The following SMARCAL1 variants were observed in gnomAD, a reference collection of about 807,000 sequenced individuals.
The protein encoded by SMARCAL1 is SNF2 related chromatin remodeling annealing helicase 1.
In SMARCAL1, 58 loss-of-function variants were observed where a neutral mutation model predicts 94.5. The ratio of observed to expected loss-of-function variants is 0.61; its 90% CI spans 0.50 to 0.76. The LOEUF (loss-of-function observed/expected upper bound fraction) is 0.76. Ranked by LOEUF, SMARCAL1 falls within the 30% of genes least tolerant of loss-of-function variation. The pLI is 0.00. For missense variants in SMARCAL1, 1,051 were observed against 1,177.9 expected (o/e 0.89, Z 1.58); for synonymous variants, 422 against 455.1 (o/e 0.93, Z 0.93).
At chr2:216,453,958 G>A (rs72948636) in intron 12 of SMARCAL1, among the ~76,000 whole-genome samples, 14,674 of 152,216 alleles carry the variant, frequency 0.096, 878 homozygotes, top group South Asian at 0.18. Context: ...TGAAATAATG[G>A]ATATCGCTTC....
At chr2:216,420,028 C>CAAAAAAAAAAAAAAAAA (rs60555710) in intron 4 of SMARCAL1, among the ~76,000 whole-genome samples, 2 of 40,158 alleles carry the variant, frequency 5.0e-5, no homozygotes, top group Non-Finnish European at 1.0e-4. Flanking sequence ...GACCCCGTCT[C>CAAAAAAAAAAAAAAAAA]AAAAAAAAAA....
chr2:216,427,197 C>T (rs1375576594), intron 6 of SMARCAL1: 3 of 152,276 alleles, frequency 2.0e-5, no homozygotes, highest in East Asian at 1.9e-4. Context: ...CTCACGAAGC[C>T]GACAACACGT....
chr2:216,422,310 G>T (rs1435429870), intron 5 of SMARCAL1, among the ~76,000 whole-genome samples: 1 of 152,186 alleles, frequency 6.6e-6, no homozygotes, highest in Non-Finnish European at 1.5e-5. Context: ...AGCCTGGGAT[G>T]CAGAGGTTGC....
chr2:216,423,051 G>T (rs1205875745), intron 5 of SMARCAL1, among the ~76,000 whole-genome samples: 1 of 152,176 alleles, frequency 6.6e-6, no homozygotes, highest in African/African-American at 2.4e-5. Context: ...TGAGGTAGGG[G>T]TTGTAATATC....
At chr2:216,429,237 G>A (rs528367684) in intron 7 of SMARCAL1, among the ~76,000 whole-genome samples, 9 of 152,304 alleles carry the variant, frequency 5.9e-5, no homozygotes, top group African/African-American at 2.2e-4. Context: ...TTTTCTAATG[G>A]GGCTAACACT....
In SMARCAL1 at chr2:216,445,032, T is replaced by C. The variant is rs1694276726; in HGVS notation, c.1711-1986T>C. ...TCTTTCTAACACCACACAGAAAGTATTTTTTTACATTGTTCTATCTTCGAT... is the reference window on the plus strand; with the variant it reads ...TCTTTCTAACACCACACAGAAAGTACTTTTTTACATTGTTCTATCTTCGAT... On this transcript the variant is annotated intron_variant, in intron 10 of 17. Coordinates refer to ENST00000357276, the MANE Select transcript of SMARCAL1 (RefSeq NM_014140.4). 2.0e-5 allele frequency among the ~76,000 whole-genome samples: 3 copies of C among 152,220 alleles called. No individual in the cohort carries two copies. In the South Asian group the frequency reaches 6.2e-4, roughly 32 times the overall value.
intron 17 of SMARCAL1, 34 bp downstream of exon 17, chr2:216,478,333 C>A: frequency 6.7e-7 from 1 of 1,503,756 alleles, no homozygotes; most frequent in Non-Finnish European, 9.3e-7. Flanking sequence ...ACCCCTGGAG[C>A]AGAGGGAGGC....
rs528273172 is a variant in SMARCAL1, at chr2:216,416,104, T to C, written c.812-153T>C. 4.2e-6 allele frequency: 3 copies of C among 708,038 alleles called. No homozygotes were observed. In the South Asian group the frequency reaches 4.3e-5, roughly 10 times the overall value. 43.9% of individuals were successfully genotyped at this position (708,038 alleles called of 1,614,324 possible). ...TAAAAGAATTATCTATATTTACTAT[T>C]TGTCCTCTACAGAGATTTTTATAGA... On this transcript the variant is annotated intron_variant, in intron 3 of 17. Coordinates refer to ENST00000357276, the MANE Select transcript of SMARCAL1 (RefSeq NM_014140.4).
intron 17 of SMARCAL1, 112 bp downstream of exon 17, chr2:216,478,411 C>G: frequency 2.5e-6 from 2 of 790,462 alleles, no homozygotes; most frequent in Non-Finnish European, 4.3e-6. Context: ...GGACCTCCCC[C>G]AGCCTAGAGC....
At chr2:216,439,626 A>T (rs1294557579) in intron 10 of SMARCAL1, among the ~76,000 whole-genome samples, 1 of 152,216 alleles carries the variant, frequency 6.6e-6, no homozygotes, top group East Asian at 1.9e-4. Flanking sequence ...TTTGAACATT[A>T]ATCTTAACAT....
chr2:216,430,332 CA>C (rs1693936481), intron 7 of SMARCAL1, among the ~76,000 whole-genome samples: 1 of 152,174 alleles, frequency 6.6e-6, no homozygotes, highest in Admixed American at 6.5e-5. Context: ...TGAACACACC[CA>C]TTAATTTATA....
intron 10 of SMARCAL1, among the ~76,000 whole-genome samples, chr2:216,444,417 T>G (rs1694261200): frequency 6.6e-6 from 1 of 152,126 alleles, no homozygotes. Context: ...TCACATAAAG[T>G]GATGAAGAAT....
intron 12 of SMARCAL1, among the ~76,000 whole-genome samples, chr2:216,464,240 T>C (rs1220921383): frequency 6.6e-6 from 1 of 152,078 alleles, no homozygotes; most frequent in Non-Finnish European, 1.5e-5. Flanking sequence ...CTGTAGTAAA[T>C]AGGTATGCTT....
intron 14 of SMARCAL1, among the ~76,000 whole-genome samples, chr2:216,470,838 CAAAAAAAAAAAAAA>C (rs55763206): frequency 2.1e-5 from 1 of 48,070 alleles, no homozygotes; most frequent in Non-Finnish European, 3.3e-5. Flanking sequence ...AAGAACATCT[CAAAAAAAAAAAAAA>C]AAAAAAAAAA....
intron 12 of SMARCAL1, among the ~76,000 whole-genome samples, chr2:216,455,622 G>C (rs1036493260): frequency 1.3e-5 from 2 of 152,206 alleles, no homozygotes; most frequent in African/African-American, 4.8e-5. Flanking sequence ...AACTCCAACA[G>C]ACCTGCAGCT....
intron 3 of SMARCAL1, 105 bp from the exon 4 acceptor site, chr2:216,416,152 C>T: frequency 1.1e-6 from 1 of 898,080 alleles, no homozygotes; most frequent in East Asian, 2.4e-5. Flanking sequence ...TGCTGGTCAG[C>T]TGTTTTGAAC....
chr2:216,481,576 T>C (rs537652389), intron 17 of SMARCAL1, among the ~76,000 whole-genome samples: 1 of 152,098 alleles, frequency 6.6e-6, no homozygotes, highest in African/African-American at 2.4e-5. Flanking sequence ...TGATGATGGC[T>C]CACTGCAACC....
At chr2:216,477,319 AGGATCT>A in intron 16 of SMARCAL1, 110 bp downstream of exon 16, 2 of 833,070 alleles carry the variant, frequency 2.4e-6, no homozygotes, top group Non-Finnish European at 4.0e-6. Context: ...AAGGTCTTTA[AGGATCT>A]ATAGAAAATT....
intron 9 of SMARCAL1, among the ~76,000 whole-genome samples, chr2:216,437,976 G>A (rs143277005): frequency 5.1e-4 from 77 of 152,328 alleles, no homozygotes; most frequent in Middle Eastern, 3.4e-3. Flanking sequence ...TCGGTTGTCA[G>A]TGTGTCTGGC....
Sources: allele counts gnomAD v4.1 joint callset (sites outside exome capture counted in the v4.1 genomes callset), GRCh38; gene constraint gnomAD v4.1.1; transcripts MANE v1.5; gene names NCBI Gene and HGNC (gene_info 2026-07-23, HGNC 2026-07-21).